NAV2: variants seen among roughly 807,000 people sequenced by gnomAD.
The protein encoded by NAV2 is helicase, APC down-regulated 1.
In NAV2, 54 loss-of-function variants were observed where a neutral mutation model predicts 223.2. The ratio of observed to expected loss-of-function variants is 0.24; its 90% CI spans 0.19 to 0.30. The LOEUF (loss-of-function observed/expected upper bound fraction) is 0.30, where lower values mean the gene tolerates loss of function less well. NAV2 is among the 10% of genes least tolerant of loss of function. The probability of loss-of-function intolerance (pLI) is 1.00; values close to 1 mark genes in which losing one functional copy is unlikely to be tolerated. For missense variants in NAV2, 2,806 were observed against 3,147.5 expected, an observed-to-expected ratio of 0.89 and a Z score of 2.60; for synonymous variants, 1,279 against 1,239.3, an observed-to-expected ratio of 1.03 and a Z score of -0.67.
intron 6 of NAV2, among the ~76,000 whole-genome samples, chr11:19,893,159 A>G (rs948048202): frequency 7.5e-6 from 1 of 134,014 alleles, no homozygotes; most frequent in East Asian, 2.1e-4. Flanking sequence ...TTTTTTTTTT[A>G]CTATACACAG....
rs3044347 is a variant in NAV2, at chr11:19,960,628, T to TA, written c.2645+11548_2645+11549insA. Among the ~76,000 whole-genome samples, 540 of 150,256 alleles carry TA rather than the reference T, an allele frequency of 3.6e-3. 16 individuals carry two copies. The East Asian group carries it at 0.065, about 18-fold the overall frequency. On this transcript the variant is annotated intron_variant, in intron 10 of 37. Transcript: ENST00000349880. ...TTATTTATTTATTTATTTATTTATTTTTTGAGACAGAATCTTGCTCCGTTG... is the reference window on the plus strand; with the variant it reads ...TTATTTATTTATTTATTTATTTATTTATTTGAGACAGAATCTTGCTCCGTTG...
At chr11:20,015,383 A>G (rs2053919793) in intron 11 of NAV2, among the ~76,000 whole-genome samples, 1 of 152,158 alleles carries the variant, frequency 6.6e-6, no homozygotes, top group South Asian at 2.1e-4. Flanking sequence ...TTAGAAAGCT[A>G]CATCTAGGGT....
chr11:20,047,455 T>C (rs2057556672), intron 14 of NAV2, among the ~76,000 whole-genome samples: 1 of 152,202 alleles, frequency 6.6e-6, no homozygotes, highest in Admixed American at 6.5e-5. Flanking sequence ...GATTAGACTT[T>C]TGTATGTAGT....
intron 1 of NAV2, among the ~76,000 whole-genome samples, chr11:19,587,416 T>G (rs2045935056): frequency 6.6e-6 from 1 of 152,194 alleles, no homozygotes; most frequent in African/African-American, 2.4e-5. Flanking sequence ...CTCAGTGAGA[T>G]GAACCTGGTA....
chr11:19,842,831 T>C (rs374909725), intron 2 of NAV2, 40 bp from the exon 3 acceptor site: 227 of 1,603,012 alleles, frequency 1.4e-4, no homozygotes, highest in Admixed American at 3.7e-4. Context: ...AAAGTGTCTC[T>C]CTGGTGATTT....
chr11:19,480,676 A>G (rs1238222067), intron 1 of NAV2, among the ~76,000 whole-genome samples: 1 of 152,188 alleles, frequency 6.6e-6, no homozygotes, highest in Admixed American at 6.5e-5. Context: ...TGAGAATTGA[A>G]TTTCCACCTT....
chr11:19,998,309 C>T lies in NAV2; in HGVS notation c.2768+14062C>T, dbSNP rs2052140500. On this transcript the variant is annotated intron_variant, in intron 11 of 37. Coordinates refer to ENST00000349880, the MANE Select transcript of NAV2 (RefSeq NM_145117.5). This position sits in a 1 kb window ranked among gnomAD's most constrained non-coding sequence, Gnocchi z 5.0. ...TCTCTCCGCCCACCTCCCTCTCCTT[C>T]TCTCTCATTGGCCATGGTGCAGGGG... is the stretch of plus-strand genomic sequence containing the variant. Among the ~76,000 whole-genome samples, 1 of 151,966 alleles carries T rather than the reference C, an allele frequency of 6.6e-6. No homozygotes were observed. The highest frequency in any genetic ancestry group is 6.6e-5 in the Admixed American group (1 of 15,240).
chr11:20,108,621 T>G lies in NAV2; in HGVS notation c.6960+839T>G, dbSNP rs75617488. Among the ~76,000 whole-genome samples the G allele has an allele frequency of 7.7e-3, 1,159 of 151,320 alleles. 17 individuals are homozygous for G. Among genetic ancestry groups the G allele is most frequent in the African/African-American group, 0.027 (1,104 of 41,120 alleles). On this transcript the variant is annotated intron_variant, in intron 36 of 37. Coordinates refer to ENST00000349880, the MANE Select transcript of NAV2 (RefSeq NM_145117.5). ...CCACACCTGGCTTTTTTTTTTTTTT[T>G]TTTGGATTTTAGTAGATACGGTGTT...
intron 1 of NAV2, among the ~76,000 whole-genome samples, chr11:19,718,767 T>TTAA (rs199967837): frequency 0.022 from 3,318 of 152,354 alleles, 117 homozygotes; most frequent in African/African-American, 0.075. Flanking sequence ...GTGGTACTGG[T>TTAA]GGCTTATTCA....
chr11:19,359,068 T>TGACA (rs1348709045), intron 1 of NAV2, among the ~76,000 whole-genome samples: 14 of 152,202 alleles, frequency 9.2e-5, no homozygotes, highest in Admixed American at 3.3e-4. Flanking sequence ...AATGAATGAG[T>TGACA]GACAGTTGAC....
intron 1 of NAV2, among the ~76,000 whole-genome samples, chr11:19,443,053 T>A (rs562256719): frequency 5.9e-5 from 9 of 152,150 alleles, no homozygotes; most frequent in Non-Finnish European, 1.3e-4. Flanking sequence ...GGTAACGTAG[T>A]AAAAAGAGCT....
intron 1 of NAV2, among the ~76,000 whole-genome samples, chr11:19,715,931 TTCTGGGGGC>T (rs1157797013): frequency 1.3e-5 from 2 of 152,118 alleles, no homozygotes; most frequent in Non-Finnish European, 2.9e-5. Context: ...TGCCCAGGGG[TTCTGGGGGC>T]TCTTCCCTGT....
At chr11:19,934,359 A>G (rs16937252) in intron 7 of NAV2, 82 bp downstream of exon 7, 167,386 of 1,437,244 alleles carry the variant, frequency 0.12, 15,313 homozygotes, top group East Asian at 0.4. Flanking sequence ...GTAAGGGCAG[A>G]AGCTAGACTG....
intron 1 of NAV2, among the ~76,000 whole-genome samples, chr11:19,359,940 C>G (rs1239501061): frequency 6.6e-6 from 1 of 152,146 alleles, no homozygotes; most frequent in Admixed American, 6.5e-5. Context: ...CAAGGCTGAT[C>G]CTCATTGCCC....
chr11:19,840,770 T>C lies in NAV2; in HGVS notation c.386-2101T>C, dbSNP rs150976575. ...GGCAGCTATTCTTGATTCATCTCAA[T>C]GTTCAAGAATCAAGATTTCTTGATT... On this transcript the variant is annotated intron_variant, in intron 2 of 37. Coordinates refer to ENST00000349880, the MANE Select transcript of NAV2 (RefSeq NM_145117.5). Among the ~76,000 whole-genome samples, 168 of 152,324 alleles carry C rather than the reference T, an allele frequency of 1.1e-3. 2 individuals carry two copies. The highest frequency in any genetic ancestry group is 4.0e-3 in the Admixed American group (61 of 15,302).
chr11:19,374,813 C>G (rs978529371), intron 1 of NAV2, among the ~76,000 whole-genome samples: 8 of 152,184 alleles, frequency 5.3e-5, no homozygotes, highest in African/African-American at 1.4e-4. Context: ...CAATTTGACT[C>G]CCATTGTATT....
At position 19,523,997 on chromosome 11, in the gene NAV2, G is replaced by T. The variant is rs3740743; in HGVS notation, c.75+172970G>T. Among the ~76,000 whole-genome samples the T allele has an allele frequency of 2.2e-3, 329 of 152,312 alleles. 10 individuals carry two copies. In the East Asian group the frequency reaches 0.054, roughly 25 times the overall value. On this transcript the variant is annotated intron_variant, in intron 1 of 37. Coordinates refer to the NAV2 transcript ENST00000360655. ...TTCTCCTCCTTCAGGAAGTCTTCCA[G>T]ATACTCCAGGCTGGTTAGATACTCC...
At chr11:19,925,279 C>T (rs779740070) in intron 6 of NAV2, among the ~76,000 whole-genome samples, 12 of 152,060 alleles carry the variant, frequency 7.9e-5, no homozygotes, top group African/African-American at 1.4e-4. Context: ...TTTTAATTTC[C>T]GTGAATCCAA....
At chr11:19,866,504 G>A (rs1284061699) in intron 3 of NAV2, among the ~76,000 whole-genome samples, 1 of 152,146 alleles carries the variant, frequency 6.6e-6, no homozygotes, top group Non-Finnish European at 1.5e-5. Flanking sequence ...AATAGAATCG[G>A]ACATTAAAAG....
Sources: allele counts gnomAD v4.1 joint callset (sites outside exome capture counted in the v4.1 genomes callset), GRCh38; gene constraint gnomAD v4.1.1; non-coding constraint Gnocchi (gnomAD v3.1); transcripts MANE v1.5; gene names NCBI Gene and HGNC (gene_info 2026-07-23, HGNC 2026-07-21).